The following RUNX1 variants were observed in gnomAD, a reference collection of about 807,000 sequenced individuals.
The protein encoded by RUNX1 is runt-related transcription factor 1.
A neutral mutation model predicts 42.8 loss-of-function variants in RUNX1; 19 were observed. That is an observed-to-expected ratio of 0.44 (90% CI 0.31 to 0.65). RUNX1 has a LOEUF of 0.65. Among genes scored for constraint, RUNX1 ranks in the 30% least tolerant of loss-of-function variants. The pLI is 0.07. For synonymous variants in RUNX1, 271 were observed against 289.4 expected, an observed-to-expected ratio of 0.94 and a Z score of 0.64; for missense variants, 528 against 672.0, an observed-to-expected ratio of 0.79 and a Z score of 2.37.
chr21:35,019,322 C>T (rs1410730941), intron 2 of RUNX1, among the ~76,000 whole-genome samples: 2 of 152,174 alleles, frequency 1.3e-5, no homozygotes, highest in Admixed American at 6.5e-5. Context: ...TCTAGCCTTC[C>T]AGTCGTCTGA....
At chr21:34,853,440 A>G (rs1422792529) in intron 6 of RUNX1, among the ~76,000 whole-genome samples, 1 of 152,228 alleles carries the variant, frequency 6.6e-6, no homozygotes, top group Non-Finnish European at 1.5e-5. Flanking sequence ...ATTACCATGA[A>G]GCTCAAAAAG....
At chr21:34,821,754 G>A in intron 7 of RUNX1, 12 of 1,489,628 alleles carry the variant, frequency 8.1e-6, no homozygotes, top group African/African-American at 1.4e-5. Flanking sequence ...ATTCTTTATA[G>A]AGCCGCGAAT....
rs942603099 is a variant in RUNX1, at chr21:34,871,866, C to T, written c.508+8691G>A. ...TATCACTTTTTTTTTTTTTTTTAGA[C>T]GGAGTCTTGCTCTGTCACCCAGGCT... On this transcript the variant is annotated intron_variant, in intron 5 of 8. Coordinates refer to ENST00000675419, the MANE Select transcript of RUNX1 (RefSeq NM_001754.5). 7.5e-5 allele frequency among the ~76,000 whole-genome samples: 11 copies of T among 146,786 alleles called. No homozygotes were observed. The East Asian group carries it at 1.0e-3, about 13-fold the overall frequency.
intron 6 of RUNX1, among the ~76,000 whole-genome samples, chr21:34,842,005 G>A (rs1052474952): frequency 1.3e-5 from 2 of 152,028 alleles, no homozygotes; most frequent in Non-Finnish European, 2.9e-5. Context: ...ACTAATGTTG[G>A]CTGAATGAAT....
intron 2 of RUNX1, among the ~76,000 whole-genome samples, chr21:35,023,903 T>C (rs1032421172): frequency 2.0e-5 from 3 of 150,864 alleles, no homozygotes; most frequent in Admixed American, 6.6e-5. Flanking sequence ...TTAGGTGAAA[T>C]ATATTTTATT....
In RUNX1 at chr21:34,975,564, G is replaced by T. The variant is rs563431323; in HGVS notation, c.58+73278C>A. Reference sequence around the variant, plus strand: ...CTGAAGATGTTGTTATTCCAGAGGGGTCCTGAAACCAATACCCCCATGGAT... The same window carrying T: ...CTGAAGATGTTGTTATTCCAGAGGGTTCCTGAAACCAATACCCCCATGGAT... On this transcript the variant is annotated intron_variant, in intron 2 of 8. Coordinates refer to ENST00000675419, the MANE Select transcript of RUNX1 (RefSeq NM_001754.5). 1.3e-4 allele frequency among the ~76,000 whole-genome samples: 20 copies of T among 152,282 alleles called. No individual in the cohort carries two copies. The South Asian group carries it at 4.2e-3, about 32-fold the overall frequency.
At chr21:34,924,705 A>G (rs2058380133) in intron 2 of RUNX1, among the ~76,000 whole-genome samples, 1 of 152,168 alleles carries the variant, frequency 6.6e-6, no homozygotes, top group Non-Finnish European at 1.5e-5. Context: ...TCTTTCCTGA[A>G]ATTTCCATTT....
chr21:35,040,781 A>AAAAAAAAAAACAAAC (rs2059352656), intron 2 of RUNX1, among the ~76,000 whole-genome samples: 9 of 151,066 alleles, frequency 6.0e-5, no homozygotes, highest in African/African-American at 2.2e-4. Flanking sequence ...CAAAAAAAAA[A>AAAAAAAAAAACAAAC]AAAAAAAAAA....
In RUNX1 at chr21:34,789,575, T is replaced by C. The variant is rs1307299877; in HGVS notation, c.*2560A>G. On this transcript the variant is annotated 3_prime_UTR_variant, in exon 9 of 9. Coordinates refer to ENST00000675419, the MANE Select transcript of RUNX1 (RefSeq NM_001754.5). The stretch of plus-strand genomic sequence containing the variant: ...CCTTAATCTACCTGAAGTCAATGAA[T>C]GCAATTTTTCACACACACACACACA... 4.3e-6 allele frequency: 1 copy of C among 232,826 alleles called. No individual in the cohort carries two copies. The highest frequency in any genetic ancestry group is 8.5e-6 in the Non-Finnish European group (1 of 118,062). The allele number at this position is 232,826 out of a possible 1,614,324, so 14.4% of individuals were successfully genotyped here.
chr21:34,994,482 G>T (rs950588871), intron 2 of RUNX1, among the ~76,000 whole-genome samples: 1 of 151,990 alleles, frequency 6.6e-6, no homozygotes, highest in Admixed American at 6.6e-5. Context: ...CGTGATTATT[G>T]TATATTGCAT....
At chr21:34,996,847 A>G (rs2059000592) in intron 2 of RUNX1, among the ~76,000 whole-genome samples, 1 of 152,160 alleles carries the variant, frequency 6.6e-6, no homozygotes, top group Non-Finnish European at 1.5e-5. Flanking sequence ...AAAAATACAC[A>G]CATACACAGC....
intron 2 of RUNX1, among the ~76,000 whole-genome samples, chr21:34,917,312 G>A (rs1428035897): frequency 6.6e-6 from 1 of 152,212 alleles, no homozygotes; most frequent in Admixed American, 6.5e-5. Context: ...GGTGAAAGAG[G>A]ACACTCAGAA....
At chr21:34,993,648 CACACACACAG>C (rs1161080464) in intron 2 of RUNX1, among the ~76,000 whole-genome samples, 2 of 143,038 alleles carry the variant, frequency 1.4e-5, no homozygotes, top group Non-Finnish European at 3.0e-5. Flanking sequence ...CACACAGGCA[CACACACACAG>C]ACACACAGAG....
rs1366045174 is a variant in RUNX1 at position 34,993,740 on chromosome 21, GAGACACACACAC to G, written c.58+55090_58+55101del. Among the ~76,000 whole-genome samples the G allele has an allele frequency of 1.6e-4, 8 of 51,516 alleles. No individual in the cohort carries two copies. The South Asian group carries it at 2.4e-3, about 15-fold the overall frequency. The allele number at this position is 51,516 out of a possible 152,430, so 33.8% of individuals were successfully genotyped here. A position where few individuals can be genotyped will look rare whatever the true frequency, so the allele number is the denominator to read the frequency against. The stretch of plus-strand genomic sequence containing the variant: ...ACAGGCACACACACACAGACACACA[GAGACACACACAC>G]AGACACACACAGGCGCACACACACA... On this transcript the variant is annotated intron_variant, in intron 2 of 8. Coordinates refer to ENST00000675419, the MANE Select transcript of RUNX1 (RefSeq NM_001754.5).
chr21:35,006,265 A>C (rs907806541), intron 2 of RUNX1, among the ~76,000 whole-genome samples: 2 of 152,182 alleles, frequency 1.3e-5, no homozygotes, highest in African/African-American at 4.8e-5. Flanking sequence ...TAAACATGAA[A>C]CAGCCTCAAT....
At chr21:34,879,073 G>A (rs1239604427) in intron 5 of RUNX1, among the ~76,000 whole-genome samples, 1 of 152,178 alleles carries the variant, frequency 6.6e-6, no homozygotes, top group East Asian at 1.9e-4. Flanking sequence ...CATGGACCAG[G>A]CTGTGGGGCC....
intron 2 of RUNX1, among the ~76,000 whole-genome samples, chr21:35,013,195 C>T (rs1176877468): frequency 2.0e-5 from 3 of 152,178 alleles, no homozygotes; most frequent in African/African-American, 7.2e-5. Context: ...GCCATTGGTA[C>T]CTGTAAGTAA....
intron 2 of RUNX1, among the ~76,000 whole-genome samples, chr21:34,931,360 A>G (rs1287612441): frequency 6.8e-6 from 1 of 146,222 alleles, no homozygotes; most frequent in Non-Finnish European, 1.5e-5. Flanking sequence ...ACATGTGTAT[A>G]TATATGTGTA....
intron 2 of RUNX1, among the ~76,000 whole-genome samples, chr21:34,893,936 C>G (rs981114840): frequency 6.6e-6 from 1 of 151,448 alleles, no homozygotes. Flanking sequence ...AAGGACTGCT[C>G]TATGATGAAA....
Sources: gnomAD v4.1 joint callset for allele counts (sites outside exome capture counted in the v4.1 genomes callset) on GRCh38, gnomAD v4.1.1 for gene constraint, MANE v1.5 for transcripts, NCBI Gene and HGNC (gene_info 2026-07-23, HGNC 2026-07-21) for gene names.